The following KCTD3 variants were observed in gnomAD, a reference collection of about 807,000 sequenced individuals.
KCTD3 encodes potassium channel tetramerization domain containing 3, also known as BTB/POZ domain-containing protein KCTD3.
Under a neutral mutation model 85.8 loss-of-function variants are expected in KCTD3, and 41 were observed. The ratio of observed to expected loss-of-function variants is 0.48; its 90% CI spans 0.37 to 0.62. The LOEUF is 0.62. KCTD3 is among the 20% of genes least tolerant of loss of function. The probability of loss-of-function intolerance (pLI) is 0.00; values close to 1 mark genes in which losing one functional copy is unlikely to be tolerated. For synonymous variants in KCTD3, 338 were observed against 345.4 expected (o/e 0.98, Z 0.24); for missense variants, 724 against 989.9 (o/e 0.73, Z 3.60).
intron 10 of KCTD3, among the ~76,000 whole-genome samples, chr1:215,598,336 A>G (rs1654692943): frequency 6.6e-6 from 1 of 152,118 alleles, no homozygotes; most frequent in Admixed American, 6.6e-5. Flanking sequence ...AGAAATTGAA[A>G]CCAACATATT....
At chr1:215,601,977 T>C (rs1415396881) in intron 11 of KCTD3, 23 bp downstream of exon 11, 9 of 1,466,328 alleles carry the variant, frequency 6.1e-6, no homozygotes, top group Middle Eastern at 1.7e-4. Context: ...TCACTTAAAA[T>C]GCTCCTGCTT....
rs1655654336 is a variant in KCTD3, at chr1:215,620,780, C to T, written c.*162C>T. The T allele has an allele frequency of 1.9e-6, 1 of 539,852 alleles. No individual in the cohort carries two copies. The highest frequency in any genetic ancestry group is 1.9e-5 in the African/African-American group (1 of 51,424). 33.4% of individuals were successfully genotyped at this position (539,852 alleles called of 1,614,324 possible). On this transcript the variant is annotated 3_prime_UTR_variant, in exon 18 of 18. Coordinates refer to ENST00000259154, the MANE Select transcript of KCTD3 (RefSeq NM_016121.5). ...ACTTGGAATAATGAGATACAATAAT[C>T]ATATCTCTTTTGACATTTTGGAAAT... is the stretch of plus-strand genomic sequence containing the variant.
intron 15 of KCTD3, among the ~76,000 whole-genome samples, chr1:215,614,709 G>A (rs1198422106): frequency 6.6e-6 from 1 of 152,064 alleles, no homozygotes; most frequent in African/African-American, 2.4e-5. Context: ...TTAGATGTAG[G>A]AGCCTTTGGC....
intron 8 of KCTD3, among the ~76,000 whole-genome samples, chr1:215,586,063 A>G (rs1659995622): frequency 6.6e-6 from 1 of 152,250 alleles, no homozygotes; most frequent in Non-Finnish European, 1.5e-5. Context: ...AATAACTGAA[A>G]GGAATAATAA....
At position 215,597,713 on chromosome 1, in the gene KCTD3, T is replaced by G. The variant is rs75212936; in HGVS notation, c.933+2242T>G. 8.9e-3 allele frequency among the ~76,000 whole-genome samples: 1,348 copies of G among 152,170 alleles called. 13 individuals carry two copies. Among genetic ancestry groups the G allele is most frequent in the African/African-American group, 0.03 (1,246 of 41,526 alleles). On this transcript the variant is annotated intron_variant, in intron 10 of 17. Coordinates refer to ENST00000259154, the MANE Select transcript of KCTD3 (RefSeq NM_016121.5). Reference sequence around the variant, plus strand: ...TCTGATGGGCTAGGCTGGACAAGAATTTGGGAGACTTGTTTGATTTAGCTT... The same window carrying G: ...TCTGATGGGCTAGGCTGGACAAGAAGTTGGGAGACTTGTTTGATTTAGCTT...
intron 8 of KCTD3, among the ~76,000 whole-genome samples, chr1:215,585,316 T>TA (rs1659967556): frequency 6.6e-6 from 1 of 152,212 alleles, no homozygotes; most frequent in South Asian, 2.1e-4. Flanking sequence ...GAAAAATTGA[T>TA]ACATTTTTCT....
intron 13 of KCTD3, among the ~76,000 whole-genome samples, chr1:215,605,555 C>T (rs1371831759): frequency 2.6e-5 from 4 of 152,100 alleles, no homozygotes; most frequent in Non-Finnish European, 5.9e-5. Flanking sequence ...CCAAACTTTC[C>T]TCCACCTGTG....
At chr1:215,600,088 G>C (rs1654774143) in intron 10 of KCTD3, among the ~76,000 whole-genome samples, 1 of 152,046 alleles carries the variant, frequency 6.6e-6, no homozygotes, top group African/African-American at 2.4e-5. Context: ...CCATCCTTTA[G>C]ACATCTTTAC....
At chr1:215,592,383 C>A (rs986548699) in intron 9 of KCTD3, among the ~76,000 whole-genome samples, 1 of 151,526 alleles carries the variant, frequency 6.6e-6, no homozygotes, top group African/African-American at 2.4e-5. Context: ...TTTGTTGTTA[C>A]TGCTGTTTTA....
intron 9 of KCTD3, 136 bp from the exon 10 acceptor site, chr1:215,595,220 T>C: frequency 1.7e-6 from 1 of 596,362 alleles, no homozygotes; most frequent in South Asian, 2.2e-5. Flanking sequence ...TTATTTCTAG[T>C]CCCCAACACG....
chr1:215,567,836 G>C, intron 1 of KCTD3, 68 bp downstream of exon 1: 2 of 1,066,736 alleles, frequency 1.9e-6, no homozygotes, highest in African/African-American at 1.6e-5. Context: ...TGTCGACGGG[G>C]ACCGAGAGTC....
intron 10 of KCTD3, among the ~76,000 whole-genome samples, chr1:215,596,495 A>G (rs1660421093): frequency 6.6e-6 from 1 of 152,198 alleles, no homozygotes; most frequent in Non-Finnish European, 1.5e-5. Context: ...CTGGGGGAAC[A>G]TTAGCATTTA....
intron 4 of KCTD3, among the ~76,000 whole-genome samples, chr1:215,577,168 T>C (rs528787275): frequency 6.6e-6 from 1 of 152,014 alleles, no homozygotes; most frequent in South Asian, 2.1e-4. Context: ...GTTCAACAAA[T>C]ATTTATTACA....
At chr1:215,614,448 T>C (rs1655356684) in intron 15 of KCTD3, among the ~76,000 whole-genome samples, 1 of 152,240 alleles carries the variant, frequency 6.6e-6, no homozygotes, top group African/African-American at 2.4e-5. Context: ...TTTCTATCCA[T>C]GGTCATGGAA....
chr1:215,568,423 G>A lies in KCTD3; in HGVS notation c.83+655G>A, dbSNP rs1278975319. ...AGGAAGCTCTGGATATTGGCACGGT[G>A]TGACGCCCTTGGAGTAAACAGACTG... On this transcript the variant is annotated intron_variant, in intron 1 of 17. Coordinates refer to ENST00000259154, the MANE Select transcript of KCTD3 (RefSeq NM_016121.5). Among the ~76,000 whole-genome samples, 3 of 145,794 alleles carry A rather than the reference G, an allele frequency of 2.1e-5. No individual in the cohort carries two copies. In the East Asian group the frequency reaches 6.3e-4, roughly 31 times the overall value.
At chr1:215,595,854 A>G (rs1660398625) in intron 10 of KCTD3, among the ~76,000 whole-genome samples, 2 of 152,226 alleles carry the variant, frequency 1.3e-5, no homozygotes, top group Non-Finnish European at 1.5e-5. Flanking sequence ...GGAATAAGAA[A>G]GAGATAAGAC....
chr1:215,602,188 C>T lies in KCTD3; in HGVS notation c.1125C>T (p.Leu375=), dbSNP rs763983761. 2.5e-6 allele frequency: 4 copies of T among 1,577,318 alleles called. No individual in the cohort carries two copies. In the South Asian group the frequency reaches 4.6e-5, roughly 18 times the overall value. Residue 375 remains leucine (L), a synonymous_variant, in exon 12 of 18, where the codon CTC becomes CTT. Transcript: ENST00000259154. ...CTATTACTGCTCTGAGTGTTTACCTCACACCCAAAACAAGTTAGTACATGG... is the reference window on the plus strand; with the variant it reads ...CTATTACTGCTCTGAGTGTTTACCTTACACCCAAAACAAGTTAGTACATGG... ...NDAITALSVY[L]TPKTSVSGNW...
chr1:215,573,633 C>T (rs970582820), intron 1 of KCTD3, among the ~76,000 whole-genome samples, 153 bp from the exon 2 acceptor site: 4 of 152,038 alleles, frequency 2.6e-5, no homozygotes, highest in Admixed American at 6.5e-5. Context: ...AAAGTAGCAA[C>T]GTTTAAAAAT....
intron 9 of KCTD3, among the ~76,000 whole-genome samples, chr1:215,593,842 A>AGAATTG (rs1445288605): frequency 2.0e-5 from 3 of 150,170 alleles, no homozygotes; most frequent in African/African-American, 7.4e-5. Context: ...TTTAAGTGCT[A>AGAATTG]GAATTGGAAT....
Sources: allele counts gnomAD v4.1 joint callset (sites outside exome capture counted in the v4.1 genomes callset), GRCh38; gene constraint gnomAD v4.1.1; transcripts MANE v1.5; gene names NCBI Gene and HGNC (gene_info 2026-07-23, HGNC 2026-07-21).